HIBCH: variants seen among roughly 807,000 people sequenced by gnomAD.
HIBCH encodes the protein 3-hydroxyisobutyryl-CoA hydrolase, mitochondrial.
In HIBCH, 50 loss-of-function variants were observed where a neutral mutation model predicts 58.2. The ratio of observed to expected loss-of-function variants is 0.86; its 90% CI spans 0.68 to 1.09. The LOEUF (loss-of-function observed/expected upper bound fraction) is 1.09. HIBCH is among the 50% of genes least tolerant of loss of function. HIBCH has a pLI of 0.00. For synonymous variants in HIBCH, 151 were observed against 146.9 expected (o/e 1.03, Z -0.20); for missense variants, 450 against 449.7 (o/e 1.00, Z -0.01).
At chr2:190,257,648 C>G (rs185027994) in intron 7 of HIBCH, among the ~76,000 whole-genome samples, 1 of 151,990 alleles carries the variant, frequency 6.6e-6, no homozygotes, top group African/African-American at 2.4e-5. Flanking sequence ...TACCACAGAC[C>G]GGGGTAATTT....
rs1315908015 is a variant in HIBCH, at chr2:190,252,296, C to G, written c.529G>C (p.Asp177His). 1 of 1,613,082 alleles carries G rather than the reference C, an allele frequency of 6.2e-7. No homozygotes were observed. The highest frequency in any genetic ancestry group is 1.7e-5 in the Admixed American group (1 of 60,012). ...GGCAAGAAATAACCTCCACCCACAT[C>G]AGGGAACAGTCCTGTAATTAAATGT... ...MPETAIGLFP[D>H]VGGGYFLPRL... Residue 177 changes from aspartate (D) to histidine (H), a missense_variant, in exon 8 of 14, where the codon GAT (aspartate) becomes CAT (histidine). By Grantham distance (81) the Asp-to-His change is moderately conservative. Coordinates refer to ENST00000359678, the MANE Select transcript of HIBCH (RefSeq NM_014362.4).
Position 190,291,013 on chromosome 2 carries a change from T to TA in HIBCH, c.305-529dup, listed in dbSNP as rs974884869. 5.3e-5 allele frequency among the ~76,000 whole-genome samples: 8 copies of TA among 151,924 alleles called. No homozygotes were observed. The East Asian group carries it at 7.7e-4, about 15-fold the overall frequency. On this transcript the variant is annotated intron_variant, in intron 4 of 13. Transcript: ENST00000359678. ...AGAGAAGAGTGACACCCTGTCTCCT[T>TA]AAAAAAAATAATAATATATTGCAAC...
chr2:190,282,230 C>T (rs1420364856), intron 6 of HIBCH, among the ~76,000 whole-genome samples: 1 of 152,164 alleles, frequency 6.6e-6, no homozygotes, highest in African/African-American at 2.4e-5. Context: ...TTTTCTGTCT[C>T]AGTCCATTTT....
At chr2:190,221,059 C>T (rs1685704909) in intron 11 of HIBCH, among the ~76,000 whole-genome samples, 1 of 151,624 alleles carries the variant, frequency 6.6e-6, no homozygotes. Context: ...ATAAGAAAGG[C>T]CGCACAGGAC....
intron 5 of HIBCH, among the ~76,000 whole-genome samples, chr2:190,288,574 A>T (rs1687886223): frequency 6.6e-6 from 1 of 151,654 alleles, no homozygotes; most frequent in Non-Finnish European, 1.5e-5. Flanking sequence ...TGTGGGATAT[A>T]ATCATAATAT....
intron 11 of HIBCH, among the ~76,000 whole-genome samples, chr2:190,241,037 T>A (rs1335371728): frequency 3.3e-5 from 5 of 152,194 alleles, no homozygotes; most frequent in Non-Finnish European, 7.3e-5. Context: ...CCTTGTTAAT[T>A]TTCTGTCTCA....
chr2:190,267,582 A>C (rs189603072), intron 6 of HIBCH, among the ~76,000 whole-genome samples: 18 of 152,168 alleles, frequency 1.2e-4, no homozygotes, highest in African/African-American at 4.3e-4. Context: ...TGGTTTCTCC[A>C]TTTTAGTGCT....
chr2:190,202,685 G>C (rs1690284050), downstream of HIBCH: 1 of 167,054 alleles, frequency 6.0e-6, no homozygotes, highest in Non-Finnish European at 1.5e-5. Context: ...CTGAAAGACT[G>C]ACTAGCTCCT....
At chr2:190,253,649 T>C (rs1362696205) in intron 7 of HIBCH, among the ~76,000 whole-genome samples, 1 of 152,162 alleles carries the variant, frequency 6.6e-6, no homozygotes, top group East Asian at 1.9e-4. Flanking sequence ...AGTGATCTTT[T>C]AAAAACACAA....
chr2:190,274,826 A>C (rs1687504625), intron 6 of HIBCH, among the ~76,000 whole-genome samples: 1 of 152,218 alleles, frequency 6.6e-6, no homozygotes, highest in Non-Finnish European at 1.5e-5. Context: ...TTATGTTGTT[A>C]TCTCTGTTGA....
intron 1 of HIBCH, among the ~76,000 whole-genome samples, chr2:190,196,677 TAA>T (rs1689993713): frequency 1.3e-5 from 2 of 152,190 alleles, no homozygotes; most frequent in Non-Finnish European, 2.9e-5. Flanking sequence ...TATTTCTTGT[TAA>T]AGAGGATTAT....
intron 2 of HIBCH, among the ~76,000 whole-genome samples, chr2:190,308,852 C>T (rs887748613): frequency 4.6e-5 from 7 of 152,152 alleles, no homozygotes; most frequent in Non-Finnish European, 1.5e-5. Context: ...TTACGTAGTG[C>T]CCACTCTGTC....
intron 2 of HIBCH, among the ~76,000 whole-genome samples, chr2:190,298,685 G>A (rs377655490): frequency 4.0e-5 from 6 of 151,862 alleles, no homozygotes; most frequent in Admixed American, 1.3e-4. Flanking sequence ...CCATTCTGTA[G>A]ACTGCCTGTT....
intron 2 of HIBCH, among the ~76,000 whole-genome samples, chr2:190,305,281 GAAC>G (rs1259026616): frequency 2.6e-5 from 4 of 152,076 alleles, no homozygotes; most frequent in Non-Finnish European, 5.9e-5. Flanking sequence ...CTTTGAGTCT[GAAC>G]AACACAAACT....
chr2:190,296,736 G>A, intron 3 of HIBCH, 77 bp downstream of exon 3: 1 of 1,320,536 alleles, frequency 7.6e-7, no homozygotes, highest in Non-Finnish European at 1.1e-6. Context: ...TGATTCTATG[G>A]GAGAAAATAC....
intron 11 of HIBCH, among the ~76,000 whole-genome samples, chr2:190,240,445 C>T (rs944542927): frequency 2.6e-5 from 4 of 152,128 alleles, no homozygotes; most frequent in African/African-American, 9.7e-5. Flanking sequence ...AAACCAGCTC[C>T]TGGATTCACT....
At chr2:190,199,812 C>A, downstream of HIBCH, 1 of 1,590,194 alleles carries the variant, frequency 6.3e-7, no homozygotes. Flanking sequence ...TAAAGATGGC[C>A]TGGAAGTAGT....
chr2:190,238,749 C>T (rs1390616194), intron 11 of HIBCH, among the ~76,000 whole-genome samples: 5 of 152,250 alleles, frequency 3.3e-5, no homozygotes, highest in Non-Finnish European at 5.9e-5. Flanking sequence ...AGGCGTGAGC[C>T]ACCACGCCCG....
chr2:190,239,553 A>G (rs1012330353), intron 11 of HIBCH, among the ~76,000 whole-genome samples: 1 of 151,938 alleles, frequency 6.6e-6, no homozygotes, highest in Non-Finnish European at 1.5e-5. Flanking sequence ...TTTGGGCAGT[A>G]TGGCCATTTT....
Sources: gnomAD v4.1 joint callset for allele counts (sites outside exome capture counted in the v4.1 genomes callset) on GRCh38, gnomAD v4.1.1 for gene constraint, MANE v1.5 for transcripts, NCBI Gene and HGNC (gene_info 2026-07-23, HGNC 2026-07-21) for gene names.